PLOD1: variants seen among roughly 807,000 people sequenced by gnomAD.
PLOD1 encodes lysine hydroxylase.
A neutral mutation model predicts 94.7 loss-of-function variants in PLOD1; 70 were observed. The ratio of observed to expected loss-of-function variants is 0.74; its 90% confidence interval spans 0.61 to 0.90. PLOD1 has a LOEUF of 0.90. Ranked by LOEUF, PLOD1 falls within the 40% of genes least tolerant of loss-of-function variation. The pLI is 0.00. For synonymous variants in PLOD1, 417 were observed against 400.2 expected (o/e 1.04, Z -0.50); for missense variants, 905 against 972.7 (o/e 0.93, Z 0.93).
chr1:11,937,786 G>C (rs1645589848), intron 1 of PLOD1, among the ~76,000 whole-genome samples: 1 of 152,146 alleles, frequency 6.6e-6, no homozygotes, highest in Non-Finnish European at 1.5e-5. Context: ...CCCAGGTAGA[G>C]CACCTGGTAG....
chr1:11,967,597 G>GCATA (rs1553136679), intron 16 of PLOD1, among the ~76,000 whole-genome samples: 3 of 59,780 alleles, frequency 5.0e-5, no homozygotes, highest in African/African-American at 2.0e-4. Flanking sequence ...GTGTGTGTGT[G>GCATA]TATATATATA....
chr1:11,935,970 A>G (rs1040157405), intron 1 of PLOD1, among the ~76,000 whole-genome samples: 2 of 152,060 alleles, frequency 1.3e-5, no homozygotes, highest in South Asian at 4.2e-4. Context: ...GTGGGATCAC[A>G]GACATGTGCC....
chr1:11,944,297 G>A (rs995443766), intron 1 of PLOD1, among the ~76,000 whole-genome samples: 4 of 151,994 alleles, frequency 2.6e-5, no homozygotes. Context: ...TATTGTTGCT[G>A]TTATTGAGAA....
chr1:11,961,091 TAA>T lies in PLOD1; in HGVS notation c.1097+333_1097+334del, dbSNP rs546442143. ...CTTGAATGTTTTACTTTATTATATA[TAA>T]AAAAAAAAGGCCGAGAGCAGTGGCT... On this transcript the variant is annotated intron_variant, in intron 10 of 18. Transcript: ENST00000196061. Among the ~76,000 whole-genome samples the T allele has an allele frequency of 0.034, 4,972 of 145,984 alleles. 264 individuals are homozygous for T. The highest frequency in any genetic ancestry group is 0.12 in the African/African-American group (4,764 of 40,026).
In PLOD1 at chr1:11,956,921, G is replaced by T. The variant is rs150852515; in HGVS notation, c.648G>T (p.Glu216Asp). Reference protein sequence around the residue: ...IFQNLDGALDEVVLKFEMGHV... With the variant: ...IFQNLDGALDDVVLKFEMGHV... ...ACTGTGCTTTCTGACCCCCAGATGA[G>T]GTCGTGCTCAAGTTTGAAATGGGCC... The change falls in exon 7 of 19, where the codon GAG becomes GAT. Residue 216 changes from glutamate to aspartate, a missense_variant. Coordinates refer to ENST00000196061, the MANE Select transcript of PLOD1 (RefSeq NM_000302.4). 39 of 1,611,226 alleles carry T rather than the reference G, an allele frequency of 2.4e-5. No homozygotes were observed. The African/African-American group carries it at 4.7e-4, about 19-fold the overall frequency.
Position 11,957,760 on chromosome 1 carries a change from C to A in PLOD1, c.742-82C>A. On this transcript the variant is annotated intron_variant, in intron 7 of 18. Coordinates refer to ENST00000196061, the MANE Select transcript of PLOD1 (RefSeq NM_000302.4). The surrounding 1 kb of genome is among the most constrained non-coding windows in gnomAD (Gnocchi z 4.1). ...GAGGGGGCTGGATGGTGCTGACCCACTGGGGGCCCAGGGAGATGTGAGTCA... is the reference window on the plus strand; with the variant it reads ...GAGGGGGCTGGATGGTGCTGACCCAATGGGGGCCCAGGGAGATGTGAGTCA... The A allele has an allele frequency of 1.1e-6, 1 of 933,162 alleles. No homozygotes were observed. Among genetic ancestry groups the A allele is most frequent in the Non-Finnish European group, 1.8e-6 (1 of 558,180 alleles). The allele number at this position is 933,162 out of a possible 1,614,324, so 57.8% of individuals were successfully genotyped here. A position where few individuals can be genotyped will look rare whatever the true frequency, so the allele number is the denominator to read the frequency against.
At chr1:11,960,072 C>G in intron 9 of PLOD1, among the ~76,000 whole-genome samples, 1 of 151,818 alleles carries the variant, frequency 6.6e-6, no homozygotes, top group African/African-American at 2.4e-5. Context: ...CGGGTTCAAG[C>G]AGTTCTCTGC....
intron 1 of PLOD1, among the ~76,000 whole-genome samples, chr1:11,937,958 T>C (rs1309473689): frequency 1.3e-5 from 2 of 150,592 alleles, no homozygotes; most frequent in African/African-American, 4.9e-5. Flanking sequence ...ATTTTCTTTT[T>C]TTTTTTTTCT....
intron 10 of PLOD1, among the ~76,000 whole-genome samples, chr1:11,962,366 TC>T (rs1645784490): frequency 7.2e-6 from 1 of 139,064 alleles, no homozygotes; most frequent in African/African-American, 2.7e-5. Flanking sequence ...AAGCTCTGCC[TC>T]CCACGTTCAC....
In PLOD1 at chr1:11,974,857, T is replaced by G. The variant is rs757645346; in HGVS notation, c.*49T>G. 6.3e-7 allele frequency: 1 copy of G among 1,598,114 alleles called. No homozygotes were observed. The highest frequency in any genetic ancestry group is 1.3e-5 in the African/African-American group (1 of 74,572). Reference sequence around the variant, plus strand: ...ACCTTTCTTCTTTGCCGACAACCACTGCCCAGCAGCCTCTGGGACCTCGGG... The same window carrying G: ...ACCTTTCTTCTTTGCCGACAACCACGGCCCAGCAGCCTCTGGGACCTCGGG... On this transcript the variant is annotated 3_prime_UTR_variant, in exon 19 of 19. Transcript: ENST00000196061.
Position 11,974,785 on chromosome 1 carries a change from G to T in PLOD1, c.2161G>T (p.Ala721Ser), listed in dbSNP as rs781689639. The change falls in exon 19 of 19, where the codon GCA (alanine) becomes TCA (serine). Residue 721 changes from alanine (A) to serine (S), a missense_variant. Transcript: ENST00000196061. ...LPTTRGTRYI[A>S]VSFVDP ...CACCACCAGGGGCACCCGCTACATCGCAGTCTCCTTCGTCGATCCCTAATT... is the reference window on the plus strand; with the variant it reads ...CACCACCAGGGGCACCCGCTACATCTCAGTCTCCTTCGTCGATCCCTAATT... 10 of 1,614,098 alleles carry T rather than the reference G, an allele frequency of 6.2e-6. No individual in the cohort carries two copies. Among genetic ancestry groups the T allele is most frequent in the Non-Finnish European group, 8.5e-6 (10 of 1,179,998 alleles).
intron 1 of PLOD1, among the ~76,000 whole-genome samples, chr1:11,939,656 GGA>G (rs1645602999): frequency 6.6e-6 from 1 of 152,112 alleles, no homozygotes; most frequent in African/African-American, 2.4e-5. Flanking sequence ...CACCTAGTCT[GGA>G]GTGAAATGGC....
At position 11,964,647 on chromosome 1, in the gene PLOD1, T is replaced by A; in HGVS notation, c.1332T>A (p.Gly444=). The change falls in exon 13 of 19, where the codon GGT becomes GGA. Residue 444 remains glycine (G), a synonymous_variant. Coordinates refer to ENST00000196061, the MANE Select transcript of PLOD1 (RefSeq NM_000302.4). ...YVDIVQGRRV[G]VWNVPYISNI... ...CCGCTTTCTGTCTCTCCCACAGTGG[T>A]GTCTGGAATGTGCCCTATATTTCAA... 2 of 1,606,872 alleles carry A rather than the reference T, an allele frequency of 1.2e-6. No homozygotes were observed. The highest frequency in any genetic ancestry group is 1.7e-6 in the Non-Finnish European group (2 of 1,176,854).
Position 11,954,861 on chromosome 1 carries a change from GCCGTATCTTCCAGAA to G in PLOD1, c.614_628del (p.Arg205_Asn209del). The stretch of plus-strand genomic sequence containing the variant: ...ATCAATATCACCCTGGACCACCGCT[GCCGTATCTTCCAGAA>G]CCTGGATGGAGCCTTGGGTGAGCAG... On this transcript the variant is annotated inframe_deletion, in exon 6 of 19. Transcript: ENST00000196061. 1.2e-6 allele frequency: 2 copies of G among 1,613,954 alleles called. No individual in the cohort carries two copies. The highest frequency in any genetic ancestry group is 2.2e-5 in the South Asian group (2 of 91,072).
chr1:11,958,100 C>T lies in PLOD1; in HGVS notation c.843+157C>T, dbSNP rs1645752125. Among the ~76,000 whole-genome samples, 1 of 152,134 alleles carries T rather than the reference C, an allele frequency of 6.6e-6. No homozygotes were observed. The highest frequency in any genetic ancestry group is 6.5e-5 in the Admixed American group (1 of 15,280). ...TTCTATCCCGGTTGCCACCCAAGTG[C>T]CTCCTCCTGGAAGCCCTCTCAGATT... is the stretch of plus-strand genomic sequence containing the variant. On this transcript the variant is annotated intron_variant, in intron 8 of 18. Coordinates refer to ENST00000196061, the MANE Select transcript of PLOD1 (RefSeq NM_000302.4). This position sits in a 1 kb window ranked among gnomAD's most constrained non-coding sequence, Gnocchi z 4.3.
chr1:11,938,246 C>T lies in PLOD1; in HGVS notation c.76+3391C>T, dbSNP rs183569037. Among the ~76,000 whole-genome samples, 959 of 152,270 alleles carry T rather than the reference C, an allele frequency of 6.3e-3. 3 individuals carry two copies. Among genetic ancestry groups the T allele is most frequent in the Non-Finnish European group, 0.011 (747 of 68,028 alleles). ...GATTACAGGCCTGAGCCACCACGCC[C>T]GGCCAGGATCCCTTTGCTAAGTAAG... On this transcript the variant is annotated intron_variant, in intron 1 of 18. Transcript: ENST00000196061.
At position 11,958,481 on chromosome 1, in the gene PLOD1, A is replaced by G. The variant is rs775849416; in HGVS notation, c.844-35A>G. 6.2e-7 allele frequency: 1 copy of G among 1,611,464 alleles called. No homozygotes were observed. The highest frequency in any genetic ancestry group is 2.2e-5 in the East Asian group (1 of 44,840). ...TGGAGTGGCAGTGCTGTGACTGGAC[A>G]CTGCTGGACTCTTGTGCCGCCCTCC... On this transcript the variant is annotated intron_variant, in intron 8 of 18. Transcript: ENST00000196061. The surrounding 1 kb of genome is among the most constrained non-coding windows in gnomAD (Gnocchi z 4.3).
chr1:11,964,227 T>TG lies in PLOD1; in HGVS notation c.1261dup (p.Ala421GlyfsTer45), dbSNP rs1362343873. The TG allele has an allele frequency of 6.3e-6, 9 of 1,433,440 alleles. No individual in the cohort carries two copies. The highest frequency in any genetic ancestry group is 7.5e-6 in the Non-Finnish European group (8 of 1,071,078). 88.8% of individuals were successfully genotyped at this position (1,433,440 alleles called of 1,614,324 possible). ...GCATGGGAGGCTGTGGTCGAACTTC[T>TG]GGGGGGCTCTCAGTGCAGATGGCTA... On this transcript the variant is annotated frameshift_variant, in exon 12 of 19. Coordinates refer to ENST00000196061, the MANE Select transcript of PLOD1 (RefSeq NM_000302.4). LOFTEE classifies it high-confidence loss of function.
At chr1:11,962,268 T>TTTTTTTC (rs1557494564) in intron 10 of PLOD1, among the ~76,000 whole-genome samples, 2 of 130,082 alleles carry the variant, frequency 1.5e-5, no homozygotes, top group African/African-American at 7.1e-5. Flanking sequence ...TTTTGATTTT[T>TTTTTTTC]GTTTTCTTTT....
Sources: allele counts gnomAD v4.1 joint callset (sites outside exome capture counted in the v4.1 genomes callset), GRCh38; gene constraint gnomAD v4.1.1; non-coding constraint Gnocchi (gnomAD v3.1); transcripts MANE v1.5; gene names NCBI Gene and HGNC (gene_info 2026-07-23, HGNC 2026-07-21).